Variants in UTP20 observed in about 807,000 individuals in gnomAD.
UTP20 encodes the protein small subunit processome component 20 homolog.
In UTP20, 164 loss-of-function variants were observed where a neutral mutation model predicts 329.5. The observed-to-expected ratio is 0.50, with a 90% CI of 0.44 to 0.57. UTP20 has a LOEUF of 0.57. Ranked by LOEUF, UTP20 falls within the 20% of genes least tolerant of loss-of-function variation. The pLI, the probability that UTP20 is intolerant of heterozygous loss-of-function variation, is 0.00. For synonymous variants in UTP20, 1,151 were observed against 1,159.3 expected, an observed-to-expected ratio of 0.99 and a Z score of 0.14; for missense variants, 3,055 against 3,284.2, an observed-to-expected ratio of 0.93 and a Z score of 1.71.
intron 21 of UTP20, among the ~76,000 whole-genome samples, chr12:101,313,289 A>G (rs7980431): frequency 0.32 from 48,794 of 152,042 alleles, 8,542 homozygotes; most frequent in Middle Eastern, 0.44. Context: ...TTCAATGAAC[A>G]GCAAGATCTG....
intron 48 of UTP20, among the ~76,000 whole-genome samples, chr12:101,368,999 C>T: frequency 6.6e-6 from 1 of 152,190 alleles, no homozygotes; most frequent in East Asian, 1.9e-4. Context: ...AAGGTTTGGC[C>T]TTAGAGGTTC....
At chr12:101,280,881 C>G (rs1204474676) in intron 1 of UTP20, among the ~76,000 whole-genome samples, 1 of 152,168 alleles carries the variant, frequency 6.6e-6, no homozygotes, top group Non-Finnish European at 1.5e-5. Flanking sequence ...GCTCACCAGT[C>G]TGGCAATGGA....
chr12:101,310,097 G>C (rs1278522095), intron 19 of UTP20, among the ~76,000 whole-genome samples: 1 of 151,922 alleles, frequency 6.6e-6, no homozygotes, highest in African/African-American at 2.4e-5. Context: ...TTCTCTTTTT[G>C]CTTTTTATGA....
intron 22 of UTP20, among the ~76,000 whole-genome samples, chr12:101,318,993 A>C (rs1873066188): frequency 6.6e-6 from 1 of 151,504 alleles, no homozygotes; most frequent in Admixed American, 6.6e-5. Context: ...ACTATACAAT[A>C]CTCTCCCCTT....
intron 38 of UTP20, among the ~76,000 whole-genome samples, chr12:101,350,680 C>T (rs928253472): frequency 2.0e-5 from 3 of 152,120 alleles, no homozygotes; most frequent in Non-Finnish European, 4.4e-5. Flanking sequence ...ATTCTAAGTA[C>T]CTAAATACCC....
chr12:101,375,768 C>CT lies in UTP20; in HGVS notation c.7396+18dup. ...GAGTAAAATCTGGAGTAAGTATTTC[C>CT]TTTTTTATTTAAATCAAACACATTT... On this transcript the variant is annotated intron_variant, in intron 56 of 61. Coordinates refer to ENST00000261637, the MANE Select transcript of UTP20 (RefSeq NM_014503.3). The CT allele has an allele frequency of 6.7e-7, 1 of 1,495,276 alleles. No individual in the cohort carries two copies. Among genetic ancestry groups the CT allele is most frequent in the Non-Finnish European group, 9.2e-7 (1 of 1,090,530 alleles). The allele number at this position is 1,495,276 out of a possible 1,614,324, so 92.6% of individuals were successfully genotyped here.
At chr12:101,302,415 G>A (rs374214465) in intron 14 of UTP20, 33 bp from the exon 15 acceptor site, 2 of 1,291,438 alleles carry the variant, frequency 1.5e-6, no homozygotes, top group African/African-American at 1.5e-5. Context: ...AAAGAAATAA[G>A]TAATGTGGTT....
chr12:101,295,248 C>T (rs755450204), intron 11 of UTP20, among the ~76,000 whole-genome samples: 1 of 152,150 alleles, frequency 6.6e-6, no homozygotes, highest in African/African-American at 2.4e-5. Flanking sequence ...TCTTTATTCT[C>T]TCCTGACACT....
At position 101,285,817 on chromosome 12, in the gene UTP20, A is replaced by G. The variant is rs149447402; in HGVS notation, c.262A>G (p.Ile88Val). 8.7e-5 allele frequency: 141 copies of G among 1,613,918 alleles called. No homozygotes were observed. The highest frequency in any genetic ancestry group is 1.1e-4 in the Non-Finnish European group (132 of 1,179,904). Reference protein sequence around the residue: ...FNQLVYHQNEIVQSLKTHLQV... With the variant: ...FNQLVYHQNEVVQSLKTHLQV... ...TCAGTTGGTGTATCACCAAAACGAG[A>G]TAGTTCAGAGTTTGAAGACTCACCT... The change falls in exon 4 of 62, where the codon ATA becomes GTA. Residue 88 changes from isoleucine (I) to valine (V), a missense_variant. Physicochemically the swap from Ile to Val is conservative, Grantham distance 29. Transcript: ENST00000261637.
intron 18 of UTP20, among the ~76,000 whole-genome samples, chr12:101,309,283 G>A (rs1872718594): frequency 6.6e-6 from 1 of 152,150 alleles, no homozygotes; most frequent in South Asian, 2.1e-4. Flanking sequence ...TGCCTCCCTA[G>A]CACATGGGAA....
At chr12:101,300,541 C>A (rs1216433787) in intron 14 of UTP20, among the ~76,000 whole-genome samples, 1 of 152,128 alleles carries the variant, frequency 6.6e-6, no homozygotes, top group Admixed American at 6.5e-5. Context: ...AAACTCAGCT[C>A]AGGCACAACA....
At chr12:101,333,007 G>A (rs986667824) in intron 27 of UTP20, among the ~76,000 whole-genome samples, 2 of 152,148 alleles carry the variant, frequency 1.3e-5, no homozygotes, top group African/African-American at 4.8e-5. Flanking sequence ...GAATGAAAAA[G>A]TAAAACAATA....
chr12:101,281,894 G>A (rs999977438), intron 2 of UTP20, among the ~76,000 whole-genome samples: 1 of 152,010 alleles, frequency 6.6e-6, no homozygotes, highest in African/African-American at 2.4e-5. Context: ...TAGTAGAGAC[G>A]GGGTTTTGAC....
chr12:101,380,394 G>GA (rs71303549), intron 57 of UTP20, among the ~76,000 whole-genome samples: 20,100 of 151,920 alleles, frequency 0.13, 1,506 homozygotes, highest in Middle Eastern at 0.24. Context: ...CAAAAAGAAA[G>GA]AAAGAAAAGA....
Position 101,342,569 on chromosome 12 carries a change from T to C in UTP20, c.4225T>C (p.Leu1409=). 1 of 1,612,546 alleles carries C rather than the reference T, an allele frequency of 6.2e-7. No individual in the cohort carries two copies. Among genetic ancestry groups the C allele is most frequent in the East Asian group, 2.2e-5 (1 of 44,826 alleles). Residue 1409 remains leucine (L), a synonymous_variant, in exon 33 of 62, where the codon TTG becomes CTG. Transcript: ENST00000261637. The part of the protein sequence containing the change: ...SVIKNKLSRK[L]LCTVFETLSD... ...TATTAAGAACAAATTGTCAAGAAAA[T>C]TGCTTTGTACGGTTTTTGAGGTCTG...
At position 101,291,865 on chromosome 12, in the gene UTP20, C is replaced by G. The variant is rs75620118; in HGVS notation, c.1015C>G (p.Pro339Ala). Residue 339 changes from proline to alanine, a missense_variant, in exon 9 of 62, where the codon CCC becomes GCC. By Grantham distance (27) the Pro-to-Ala change is conservative. This residue lies in a region of UTP20 where 2,445 missense variants were observed against 2,575.5 expected (regional missense o/e 0.95). Transcript: ENST00000261637. ...AAAACATGGAAGTGGGACAAAGATA[C>G]CCACGCCTGCTGATGTCTGTAAGGT... ...LVKHGSGTKI[P>A]TPADVCKVLS... 11 of 1,613,114 alleles carry G rather than the reference C, an allele frequency of 6.8e-6. No homozygotes were observed. In the East Asian group the frequency reaches 1.6e-4, roughly 23 times the overall value.
In UTP20 at chr12:101,291,884, G is replaced by A. The variant is rs750538032; in HGVS notation, c.1034G>A (p.Cys345Tyr). Residue 345 changes from cysteine (C) to tyrosine (Y), a missense_variant, in exon 9 of 62, where the codon TGT (cysteine) becomes TAT (tyrosine). By Grantham distance (194) the Cys-to-Tyr change is radical (BLOSUM62 -2). Transcript: ENST00000261637. The part of the protein sequence containing the change: ...GTKIPTPADV[C>Y]KVLSQTLQVA... The stretch of plus-strand genomic sequence containing the variant: ...AAGATACCCACGCCTGCTGATGTCT[G>A]TAAGGTGAGTTCCCAACTTAATATG... 2.5e-6 allele frequency: 4 copies of A among 1,611,222 alleles called. No homozygotes were observed. The highest frequency in any genetic ancestry group is 1.1e-5 in the South Asian group (1 of 90,154).
intron 7 of UTP20, 68 bp downstream of exon 7, chr12:101,290,342 G>A (rs1427909793): frequency 2.6e-6 from 4 of 1,509,722 alleles, no homozygotes; most frequent in Non-Finnish European, 3.5e-6. Flanking sequence ...AAAGAATGAG[G>A]CAAATGATGT....
chr12:101,373,973 C>A (rs1344018354), intron 54 of UTP20, among the ~76,000 whole-genome samples: 3 of 152,154 alleles, frequency 2.0e-5, no homozygotes, highest in African/African-American at 7.2e-5. Context: ...CGGTGGCTCA[C>A]GCCTGTAATC....
Sources: gnomAD v4.1 joint callset for allele counts (sites outside exome capture counted in the v4.1 genomes callset) on GRCh38, gnomAD v4.1.1 for gene constraint, gnomAD v4.1.1 regional missense constraint, MANE v1.5 for transcripts, NCBI Gene and HGNC (gene_info 2026-07-23, HGNC 2026-07-21) for gene names.